GOLM2: variants seen among roughly 807,000 people sequenced by gnomAD.
GOLM2 encodes golgi membrane protein 2.
In GOLM2, 26 loss-of-function variants were observed where a neutral mutation model predicts 55.9. The ratio of observed to expected loss-of-function variants is 0.47; its 90% CI spans 0.34 to 0.65. The LOEUF (loss-of-function observed/expected upper bound fraction) is 0.65. Among genes scored for constraint, GOLM2 ranks in the 30% least tolerant of loss-of-function variants. The pLI, the probability that GOLM2 is intolerant of heterozygous loss-of-function variation, is 0.01. For synonymous variants in GOLM2, 165 were observed against 194.6 expected (o/e 0.85, Z 1.27); for missense variants, 486 against 531.8 (o/e 0.91, Z 0.85).
intron 1 of GOLM2, among the ~76,000 whole-genome samples, chr15:44,302,196 G>A (rs1159230045): frequency 6.7e-6 from 1 of 149,776 alleles, no homozygotes; most frequent in African/African-American, 2.5e-5. Context: ...CCAGGCTGGA[G>A]TGCAGTGTCA....
chr15:44,344,950 G>A (rs1406065528), intron 6 of GOLM2, among the ~76,000 whole-genome samples: 1 of 148,554 alleles, frequency 6.7e-6, no homozygotes, highest in Non-Finnish European at 1.5e-5. Flanking sequence ...GGGACTACAG[G>A]CACCCGCCAC....
chr15:44,396,698 G>A (rs575108334), intron 8 of GOLM2, among the ~76,000 whole-genome samples: 1 of 152,130 alleles, frequency 6.6e-6, no homozygotes, highest in Non-Finnish European at 1.5e-5. Flanking sequence ...GTGATGTGGA[G>A]CATATGAAGT....
At chr15:44,341,942 T>A (rs2079093265) in intron 6 of GOLM2, among the ~76,000 whole-genome samples, 2 of 152,028 alleles carry the variant, frequency 1.3e-5, no homozygotes, top group Admixed American at 6.6e-5. Context: ...GTGATCCACC[T>A]GCCTCAGCCT....
rs1439800249 is a variant in GOLM2 at position 44,292,431 on chromosome 15, C to T, written c.327+3075C>T. Among the ~76,000 whole-genome samples the T allele has an allele frequency of 2.6e-5, 4 of 152,140 alleles. No homozygotes were observed. The East Asian group carries it at 5.8e-4, about 22-fold the overall frequency. On this transcript the variant is annotated intron_variant, in intron 1 of 9. Transcript: ENST00000299957. ...CAAGATGGTCTCGATCTCCTGACCT[C>T]GTGATCCACCAGCCTTGGCCTCCCA... is the stretch of plus-strand genomic sequence containing the variant.
At chr15:44,318,613 G>A (rs147241948) in intron 1 of GOLM2, among the ~76,000 whole-genome samples, 155 of 152,072 alleles carry the variant, frequency 1.0e-3, no homozygotes, top group African/African-American at 3.3e-3. Context: ...GGAGGCTAAG[G>A]CAGGAGAACG....
At chr15:44,358,687 C>T (rs1452994991) in intron 6 of GOLM2, among the ~76,000 whole-genome samples, 5 of 152,230 alleles carry the variant, frequency 3.3e-5, no homozygotes, top group African/African-American at 1.2e-4. Context: ...GTTATACCCT[C>T]CACAAAAATT....
intron 8 of GOLM2, among the ~76,000 whole-genome samples, chr15:44,396,297 G>A (rs928553910): frequency 6.6e-6 from 1 of 152,102 alleles, no homozygotes. Context: ...AATGGAGGTT[G>A]TGGTGAGCCG....
At chr15:44,400,344 G>A (rs1235133591) in intron 8 of GOLM2, among the ~76,000 whole-genome samples, 1 of 151,156 alleles carries the variant, frequency 6.6e-6, no homozygotes, top group African/African-American at 2.4e-5. Flanking sequence ...TTGAGACAGA[G>A]TTTGGCTTTT....
intron 8 of GOLM2, among the ~76,000 whole-genome samples, chr15:44,394,113 T>A (rs2079509290): frequency 6.6e-6 from 1 of 152,176 alleles, no homozygotes; most frequent in Non-Finnish European, 1.5e-5. Flanking sequence ...TAAATCACTT[T>A]GTAGGATAAA....
rs117511094 is a variant in GOLM2, at chr15:44,413,618, G to A, written c.*212G>A. 1.3e-3 allele frequency: 546 copies of A among 433,352 alleles called. No individual in the cohort carries two copies. The highest frequency in any genetic ancestry group is 2.0e-3 in the Non-Finnish European group (484 of 239,508). The allele number at this position is 433,352 out of a possible 1,614,324, so 26.8% of individuals were successfully genotyped here. Reference sequence around the variant, plus strand: ...TCAAGGTATAGACTTTTTTGGTTATGATACAGTTAAGCCAAAAACAGCTAA... The same window carrying A: ...TCAAGGTATAGACTTTTTTGGTTATAATACAGTTAAGCCAAAAACAGCTAA... On this transcript the variant is annotated 3_prime_UTR_variant, in exon 10 of 10. Transcript: ENST00000299957.
chr15:44,301,679 A>C (rs976479347), intron 1 of GOLM2, among the ~76,000 whole-genome samples: 23 of 152,190 alleles, frequency 1.5e-4, no homozygotes, highest in African/African-American at 5.1e-4. Context: ...GTTTGAGATA[A>C]GAGGCTCAGG....
Position 44,300,861 on chromosome 15 carries a change from C to T in GOLM2, c.327+11505C>T, listed in dbSNP as rs564068242. On this transcript the variant is annotated intron_variant, in intron 1 of 9. Coordinates refer to ENST00000299957, the MANE Select transcript of GOLM2 (RefSeq NM_138423.4). Reference sequence around the variant, plus strand: ...GTGCTTCAAGGCTCTCTTTCTTGTTCTTAATTAACTTTATCTAATTTTCTT... The same window carrying T: ...GTGCTTCAAGGCTCTCTTTCTTGTTTTTAATTAACTTTATCTAATTTTCTT... Among the ~76,000 whole-genome samples, 3 of 152,252 alleles carry T rather than the reference C, an allele frequency of 2.0e-5. No individual in the cohort carries two copies. In the East Asian group the frequency reaches 5.8e-4, roughly 29 times the overall value.
rs2079667367 is a variant in GOLM2 at position 44,415,445 on chromosome 15, T to C, written c.*2039T>C. On this transcript the variant is annotated 3_prime_UTR_variant, in exon 10 of 10. Transcript: ENST00000299957. Reference sequence around the variant, plus strand: ...AAAAACAATCACTTGGTTGGTTGTATTGTAGCTATTACTTATACAGCAACA... The same window carrying C: ...AAAAACAATCACTTGGTTGGTTGTACTGTAGCTATTACTTATACAGCAACA... 1 of 152,650 alleles carries C rather than the reference T, an allele frequency of 6.6e-6. No individual in the cohort carries two copies. Among genetic ancestry groups the C allele is most frequent in the Admixed American group, 6.6e-5 (1 of 15,264 alleles). 9.5% of individuals were successfully genotyped at this position (152,650 alleles called of 1,614,324 possible).
chr15:44,311,506 A>G (rs1339486962), intron 1 of GOLM2, among the ~76,000 whole-genome samples: 1 of 152,050 alleles, frequency 6.6e-6, no homozygotes, highest in African/African-American at 2.4e-5. Flanking sequence ...TGTATGTGGT[A>G]AAAAACACAT....
At chr15:44,347,929 G>A (rs1194793480) in intron 6 of GOLM2, among the ~76,000 whole-genome samples, 1 of 152,148 alleles carries the variant, frequency 6.6e-6, no homozygotes, top group Non-Finnish European at 1.5e-5. Context: ...GGCCCTAGAT[G>A]CCTATAGTGT....
intron 1 of GOLM2, among the ~76,000 whole-genome samples, chr15:44,315,422 A>G (rs1166555297): frequency 6.6e-6 from 1 of 152,218 alleles, no homozygotes; most frequent in African/African-American, 2.4e-5. Context: ...AGAGAAGCAG[A>G]GCAACTGAGC....
chr15:44,314,559 C>CAAA (rs371029849), intron 1 of GOLM2, among the ~76,000 whole-genome samples: 1 of 75,804 alleles, frequency 1.3e-5, no homozygotes, highest in Admixed American at 1.4e-4. Context: ...AACTCCATCT[C>CAAA]AAAAAAAAAA....
chr15:44,330,166 T>A (rs1205136649), intron 3 of GOLM2, among the ~76,000 whole-genome samples: 1 of 114,600 alleles, frequency 8.7e-6, no homozygotes, highest in Non-Finnish European at 1.7e-5. Flanking sequence ...CGCCTCGGCC[T>A]CCCAAAGTGC....
intron 6 of GOLM2, among the ~76,000 whole-genome samples, chr15:44,376,625 GA>G (rs1376285172): frequency 6.6e-6 from 1 of 151,936 alleles, no homozygotes; most frequent in African/African-American, 2.4e-5. Context: ...TTTTGTGGAG[GA>G]AAAAAATAGA....
Sources: allele counts gnomAD v4.1 joint callset (sites outside exome capture counted in the v4.1 genomes callset), GRCh38; gene constraint gnomAD v4.1.1; transcripts MANE v1.5; gene names NCBI Gene and HGNC (gene_info 2026-07-23, HGNC 2026-07-21).